The following AOPEP variants were observed in gnomAD, a reference collection of about 807,000 sequenced individuals.
AOPEP encodes aminopeptidase O.
AOPEP carries 77 observed loss-of-function variants against 98.1 expected under a neutral mutation model. That is an observed-to-expected ratio of 0.78 (90% confidence interval 0.65 to 0.95). AOPEP has a LOEUF of 0.95. Among genes scored for constraint, AOPEP ranks in the 40% least tolerant of loss-of-function variants. AOPEP has a pLI of 0.00. For missense variants in AOPEP, 1,024 were observed against 1,024.7 expected, an observed-to-expected ratio of 1.00 and a Z score of 0.01; for synonymous variants, 346 against 365.3, an observed-to-expected ratio of 0.95 and a Z score of 0.60.
At chr9:94,894,227 A>C (rs556172029) in intron 5 of AOPEP, among the ~76,000 whole-genome samples, 1 of 152,334 alleles carries the variant, frequency 6.6e-6, no homozygotes, top group South Asian at 2.1e-4. Flanking sequence ...GATATGAATT[A>C]ATTAGAAGAT....
At chr9:94,831,581 T>C (rs1481609329) in intron 5 of AOPEP, among the ~76,000 whole-genome samples, 1 of 152,132 alleles carries the variant, frequency 6.6e-6, no homozygotes, top group Non-Finnish European at 1.5e-5. Flanking sequence ...TTATTTCTAA[T>C]TCTGTGAAGA....
At chr9:94,960,343 G>A (rs1031155801) in intron 9 of AOPEP, among the ~76,000 whole-genome samples, 2 of 151,506 alleles carry the variant, frequency 1.3e-5, no homozygotes, top group African/African-American at 2.4e-5. Flanking sequence ...CCCAGGAGGC[G>A]GGGGTTGCAG....
intron 13 of AOPEP, chr9:95,019,069 C>T (rs2133129776): frequency 6.6e-6 from 1 of 152,180 alleles, no homozygotes; most frequent in Non-Finnish European, 1.5e-5. Flanking sequence ...TTTCCTGTAA[C>T]TGTTCTTCAG....
At chr9:95,123,604 A>G in the AOPEP span, 1 of 596,286 alleles carries the variant, frequency 1.7e-6, no homozygotes, top group Non-Finnish European at 3.2e-6. Context: ...ACTGTGCCCA[A>G]TGTGTGCCCA....
At chr9:95,075,146 T>A (rs1347321855) in intron 14 of AOPEP, among the ~76,000 whole-genome samples, 1 of 152,188 alleles carries the variant, frequency 6.6e-6, no homozygotes, top group Non-Finnish European at 1.5e-5. Flanking sequence ...TCTGGGTCTG[T>A]GTAGGGCTGA....
At chr9:94,830,980 T>A (rs140564406) in intron 5 of AOPEP, among the ~76,000 whole-genome samples, 47,357 of 152,004 alleles carry the variant, frequency 0.31, 8,471 homozygotes, top group Non-Finnish European at 0.42. Flanking sequence ...GATTGCAAAA[T>A]TTTTTTCCCA....
At chr9:94,788,380 AT>A in intron 3 of AOPEP, among the ~76,000 whole-genome samples, 1 of 152,142 alleles carries the variant, frequency 6.6e-6, no homozygotes, top group East Asian at 1.9e-4. Context: ...CATTTATATC[AT>A]TATATTTTTG....
chr9:94,955,852 T>A (rs1017743535), intron 8 of AOPEP, 56 bp from the exon 9 acceptor site: 4 of 1,279,952 alleles, frequency 3.1e-6, no homozygotes, highest in Non-Finnish European at 4.4e-6. Flanking sequence ...TATATAACCA[T>A]TTTTTTATGA....
intron 7 of AOPEP, among the ~76,000 whole-genome samples, chr9:94,942,950 T>C (rs2137528616): frequency 7.1e-6 from 1 of 141,444 alleles, no homozygotes; most frequent in African/African-American, 2.6e-5. Context: ...GCATCAAAGA[T>C]AATAAGGTAC....
At chr9:94,750,287 G>T (rs1835383654) in intron 1 of AOPEP, among the ~76,000 whole-genome samples, 1 of 152,120 alleles carries the variant, frequency 6.6e-6, no homozygotes, top group African/African-American at 2.4e-5. Flanking sequence ...TCTTCAGCCA[G>T]TAAGACTCCA....
chr9:95,098,289 C>T, the AOPEP span, among the ~76,000 whole-genome samples: 1 of 152,324 alleles, frequency 6.6e-6, no homozygotes. Flanking sequence ...GTAACTTCTC[C>T]ACTTCAACAG....
In AOPEP at chr9:94,728,236, CAT is replaced by C. The variant is rs1255621250; in HGVS notation, c.-136+1486_-136+1487del. Among the ~76,000 whole-genome samples the C allele has an allele frequency of 2.4e-5, 3 of 122,744 alleles. No homozygotes were observed. The East Asian group carries it at 7.8e-4, about 32-fold the overall frequency. The allele number at this position is 122,744 out of a possible 152,430, so 80.5% of individuals were successfully genotyped here. A position where few individuals can be genotyped will look rare whatever the true frequency, so the allele number is the denominator to read the frequency against. ...ATTTGTGATCCTTCCTGCGTGCGCG[CAT>C]GCACACACACACACACACACACACA... On this transcript the variant is annotated intron_variant, in intron 1 of 16. Coordinates refer to ENST00000375315, the MANE Select transcript of AOPEP (RefSeq NM_001193329.3).
intron 1 of AOPEP, among the ~76,000 whole-genome samples, chr9:94,741,084 G>T (rs1444280397): frequency 6.6e-6 from 1 of 152,020 alleles, no homozygotes; most frequent in Non-Finnish European, 1.5e-5. Context: ...GGTTGGGGTG[G>T]ATGTGGGGTG....
At chr9:94,946,652 C>T (rs1012826934) in intron 7 of AOPEP, among the ~76,000 whole-genome samples, 2 of 152,220 alleles carry the variant, frequency 1.3e-5, no homozygotes, top group Non-Finnish European at 2.9e-5. Context: ...CTTGCTCCCA[C>T]CAAAACAATC....
At chr9:94,943,567 C>G (rs2057254568) in intron 7 of AOPEP, among the ~76,000 whole-genome samples, 1 of 149,630 alleles carries the variant, frequency 6.7e-6, no homozygotes, top group African/African-American at 2.5e-5. Context: ...GCACTCCAGC[C>G]TAGGCGACAG....
intron 1 of AOPEP, among the ~76,000 whole-genome samples, 188 bp from the exon 2 acceptor site, chr9:94,759,461 T>C (rs1181558970): frequency 6.6e-6 from 1 of 152,188 alleles, no homozygotes; most frequent in African/African-American, 2.4e-5. Flanking sequence ...GTAATTGAAA[T>C]ATTTTTAGAA....
chr9:94,978,851 G>A (rs1037729619), intron 10 of AOPEP, among the ~76,000 whole-genome samples: 3 of 151,946 alleles, frequency 2.0e-5, no homozygotes, highest in African/African-American at 7.3e-5. Flanking sequence ...AACGGGGCCC[G>A]GTTGAAAGGA....
chr9:94,752,061 CTG>C (rs1835923918), intron 1 of AOPEP, among the ~76,000 whole-genome samples: 1 of 151,850 alleles, frequency 6.6e-6, no homozygotes, highest in Non-Finnish European at 1.5e-5. Context: ...GTCTGGCTAA[CTG>C]TTATTTGTGG....
At chr9:94,928,336 C>A in intron 6 of AOPEP, 89 bp from the exon 7 acceptor site, 1 of 899,322 alleles carries the variant, frequency 1.1e-6, no homozygotes, top group Non-Finnish European at 1.7e-6. Context: ...CTATCTTGTC[C>A]CCCATTGAAA....
Sources: gnomAD v4.1 joint callset for allele counts (sites outside exome capture counted in the v4.1 genomes callset) on GRCh38, gnomAD v4.1.1 for gene constraint, MANE v1.5 for transcripts, NCBI Gene and HGNC (gene_info 2026-07-23, HGNC 2026-07-21) for gene names.